The following TPD52L2 variants were observed in gnomAD, a reference collection of about 807,000 sequenced individuals.
The protein encoded by TPD52L2 is tumor protein D54.
In TPD52L2, 19 loss-of-function variants were observed where a neutral mutation model predicts 24.7. The observed-to-expected ratio is 0.77, with a 90% CI of 0.54 to 1.13. The LOEUF (loss-of-function observed/expected upper bound fraction) is 1.13, where lower values mean the gene tolerates loss of function less well. TPD52L2 is among the 50% of genes most tolerant of loss of function. The pLI is 0.00. For synonymous variants in TPD52L2, 104 were observed against 100.2 expected, an observed-to-expected ratio of 1.04 and a Z score of -0.23; for missense variants, 236 against 250.4, an observed-to-expected ratio of 0.94 and a Z score of 0.39.
chr20:63,886,380 A>G (rs1159226586), intron 5 of TPD52L2, among the ~76,000 whole-genome samples: 12 of 141,462 alleles, frequency 8.5e-5, no homozygotes, highest in Non-Finnish European at 1.4e-4. Context: ...TTTTTTTTTT[A>G]GACGGAGTCT....
chr20:63,870,520 G>GTTTTTTTTTTTT (rs959786861), intron 2 of TPD52L2, among the ~76,000 whole-genome samples: 1 of 94,524 alleles, frequency 1.1e-5, no homozygotes, highest in African/African-American at 4.3e-5. Context: ...ATAAGGTGAA[G>GTTTTTTTTTTTT]TTTTTTTTTT....
chr20:63,889,911 G>C lies in TPD52L2; in HGVS notation c.587G>C (p.Gly196Ala), dbSNP rs1368623678. Residue 196 changes from glycine (G) to alanine (A), a missense_variant, in exon 7 of 7, where the codon GGT (glycine) becomes GCT (alanine). Coordinates refer to ENST00000346249, the MANE Select transcript of TPD52L2 (RefSeq NM_003288.4). ...SDNLPSSAGS[G>A]DKPLSDPAPF ...AACCTCCCTTCCTCAGCGGGGAGTGGTGACAAGCCCCTGTCGGATCCCGCA... is the reference window on the plus strand; with the variant it reads ...AACCTCCCTTCCTCAGCGGGGAGTGCTGACAAGCCCCTGTCGGATCCCGCA... The C allele has an allele frequency of 6.2e-7, 1 of 1,614,198 alleles. No homozygotes were observed. The highest frequency in any genetic ancestry group is 1.7e-5 in the Admixed American group (1 of 60,028).
chr20:63,869,534 A>G, intron 2 of TPD52L2, 93 bp downstream of exon 2: 1 of 1,534,868 alleles, frequency 6.5e-7, no homozygotes, highest in Admixed American at 1.7e-5. Flanking sequence ...GCTCGGGAGG[A>G]ATTGCCCTGG....
At chr20:63,884,671 G>T (rs1293890309) in intron 5 of TPD52L2, among the ~76,000 whole-genome samples, 1 of 152,090 alleles carries the variant, frequency 6.6e-6, no homozygotes, top group Non-Finnish European at 1.5e-5. Context: ...GACCCGTGTC[G>T]TGTAGCCTCA....
At chr20:63,876,890 G>A (rs753327209) in intron 4 of TPD52L2, 1 of 455,520 alleles carries the variant, frequency 2.2e-6, no homozygotes, top group African/African-American at 2.0e-5. Flanking sequence ...TGGGGACCCG[G>A]GCGGTTCACG....
At position 63,887,651 on chromosome 20, in the gene TPD52L2, G is replaced by T. The variant is rs376139579; in HGVS notation, c.477-1539G>T. On this transcript the variant is annotated intron_variant, in intron 5 of 6. Coordinates refer to ENST00000346249, the MANE Select transcript of TPD52L2 (RefSeq NM_003288.4). ...GCGGCTCCAGAGCCGGGTGTCTCTGGTGGGGGTTGGGGCAGCTCCCGCCGG... is the reference window on the plus strand; with the variant it reads ...GCGGCTCCAGAGCCGGGTGTCTCTGTTGGGGGTTGGGGCAGCTCCCGCCGG... 43 of 1,599,242 alleles carry T rather than the reference G, an allele frequency of 2.7e-5. No homozygotes were observed. The Admixed American group carries it at 2.8e-4, about 11-fold the overall frequency.
At chr20:63,865,522 G>T in intron 1 of TPD52L2, 138 bp downstream of exon 1, 1 of 1,172,510 alleles carries the variant, frequency 8.5e-7, no homozygotes. Context: ...CAGCTCCCGG[G>T]GCCACTGACC....
rs1568949252 is a variant in TPD52L2, at chr20:63,877,335, A to G, written c.374+1460A>G. The G allele has an allele frequency of 7.2e-6, 2 of 277,180 alleles. No individual in the cohort carries two copies. Among genetic ancestry groups the G allele is most frequent in the Non-Finnish European group, 1.4e-5 (2 of 142,594 alleles). The allele number at this position is 277,180 out of a possible 1,614,324, so 17.2% of individuals were successfully genotyped here. A position where few individuals can be genotyped will look rare whatever the true frequency, so the allele number is the denominator to read the frequency against. On this transcript the variant is annotated intron_variant, in intron 4 of 6. Coordinates refer to ENST00000346249, the MANE Select transcript of TPD52L2 (RefSeq NM_003288.4). The surrounding 1 kb of genome is among the most constrained non-coding windows in gnomAD (Gnocchi z 4.1). ...CCACCACGCCCGGCTAATTTTTTGT[A>G]TTTTTAGTAGAGACAGGGTTTCATG...
At chr20:63,867,334 G>A (rs2052289951) in intron 1 of TPD52L2, among the ~76,000 whole-genome samples, 1 of 152,180 alleles carries the variant, frequency 6.6e-6, no homozygotes, top group African/African-American at 2.4e-5. Context: ...GGGAGGCCGA[G>A]GCCAGTGGAT....
chr20:63,885,564 G>A (rs991852197), intron 5 of TPD52L2, among the ~76,000 whole-genome samples: 2 of 152,218 alleles, frequency 1.3e-5, no homozygotes, highest in African/African-American at 4.8e-5. Context: ...CTCAGCTGAC[G>A]TGATTTGGGG....
At chr20:63,876,230 T>C (rs888070177) in intron 4 of TPD52L2, among the ~76,000 whole-genome samples, 2 of 152,232 alleles carry the variant, frequency 1.3e-5, no homozygotes, top group Non-Finnish European at 2.9e-5. Context: ...CCTGGGTTTG[T>C]TGGTGGCGAA....
intron 4 of TPD52L2, 55 bp from the exon 5 acceptor site, chr20:63,882,664 T>G: frequency 7.1e-7 from 1 of 1,405,282 alleles, no homozygotes; most frequent in Non-Finnish European, 1.0e-6. Flanking sequence ...TTTGCTTGGC[T>G]GTGGGTGGTG....
intron 1 of TPD52L2, among the ~76,000 whole-genome samples, chr20:63,865,927 G>A (rs1006450904): frequency 1.3e-5 from 2 of 152,178 alleles, no homozygotes; most frequent in African/African-American, 4.8e-5. Context: ...GGTGGAGTGA[G>A]TCAGGGGCAC....
chr20:63,874,228 T>TTGTGTGTG (rs547406712), intron 3 of TPD52L2, among the ~76,000 whole-genome samples: 30 of 139,954 alleles, frequency 2.1e-4, no homozygotes, highest in Admixed American at 1.1e-3. Flanking sequence ...ATTTTTTTTT[T>TTGTGTGTG]TGTGTGTGTG....
intron 2 of TPD52L2, 65 bp from the exon 3 acceptor site, chr20:63,873,603 G>A (rs2052548317): frequency 1.9e-6 from 3 of 1,567,560 alleles, no homozygotes; most frequent in Non-Finnish European, 2.6e-6. Context: ...ATGGCACTGT[G>A]CATGAGGATG....
At chr20:63,878,237 G>A (rs564261803) in intron 4 of TPD52L2, among the ~76,000 whole-genome samples, 2 of 152,392 alleles carry the variant, frequency 1.3e-5, no homozygotes, top group East Asian at 3.9e-4. Context: ...CGTGGCCGGT[G>A]GGTGGAGGAT....
intron 1 of TPD52L2, among the ~76,000 whole-genome samples, chr20:63,867,293 C>T (rs185414296): frequency 3.0e-4 from 46 of 152,224 alleles, no homozygotes; most frequent in South Asian, 1.0e-3. Context: ...AGGCTGGGCT[C>T]GGTGGCTTAC....
chr20:63,878,848 G>A (rs545395636), intron 4 of TPD52L2, among the ~76,000 whole-genome samples: 44 of 152,350 alleles, frequency 2.9e-4, no homozygotes, highest in African/African-American at 1.0e-3. Flanking sequence ...GTGCTCTCAA[G>A]GAGAGCTGAA....
At chr20:63,872,140 G>A (rs1315406752) in intron 2 of TPD52L2, among the ~76,000 whole-genome samples, 2 of 149,342 alleles carry the variant, frequency 1.3e-5, no homozygotes, top group Non-Finnish European at 3.0e-5. Flanking sequence ...AAGCACAAAA[G>A]ATAATTTACC....
Sources: allele counts gnomAD v4.1 joint callset (sites outside exome capture counted in the v4.1 genomes callset), GRCh38; gene constraint gnomAD v4.1.1; non-coding constraint Gnocchi (gnomAD v3.1); transcripts MANE v1.5; gene names NCBI Gene and HGNC (gene_info 2026-07-23, HGNC 2026-07-21).